Variants in IDE observed in about 807,000 individuals in gnomAD.
IDE encodes insulin degrading enzyme, also known as insulin-degrading enzyme.
IDE carries 58 observed loss-of-function variants against 133.2 expected under a neutral mutation model. The ratio of observed to expected loss-of-function variants is 0.44; its 90% CI spans 0.35 to 0.54. The LOEUF (loss-of-function observed/expected upper bound fraction) is 0.54. Among genes scored for constraint, IDE ranks in the 20% least tolerant of loss-of-function variants. The pLI, the probability that IDE is intolerant of heterozygous loss-of-function variation, is 0.00. For missense variants in IDE, 981 were observed against 1,234.0 expected, an observed-to-expected ratio of 0.79 and a Z score of 3.07; for synonymous variants, 396 against 421.3, an observed-to-expected ratio of 0.94 and a Z score of 0.73.
At chr10:92,527,261 C>T (rs528777541) in intron 4 of IDE, among the ~76,000 whole-genome samples, 4 of 152,086 alleles carry the variant, frequency 2.6e-5, no homozygotes, top group South Asian at 4.1e-4. Flanking sequence ...ATCAAGTTTC[C>T]ATATGTTTGT....
intron 1 of IDE, among the ~76,000 whole-genome samples, chr10:92,558,458 A>C (rs1428936068): frequency 1.3e-5 from 2 of 152,222 alleles, no homozygotes; most frequent in Non-Finnish European, 1.5e-5. Flanking sequence ...TAAAAAGACA[A>C]ATTAGACTTC....
At chr10:92,518,195 G>C (rs997856489) in intron 4 of IDE, among the ~76,000 whole-genome samples, 6 of 152,130 alleles carry the variant, frequency 3.9e-5, no homozygotes, top group Non-Finnish European at 7.3e-5. Context: ...TCTAGAGGGA[G>C]TTTTGCTTAA....
chr10:92,550,191 C>T (rs758824981), intron 1 of IDE, among the ~76,000 whole-genome samples: 5 of 151,612 alleles, frequency 3.3e-5, no homozygotes, highest in African/African-American at 1.2e-4. Flanking sequence ...AATAAACTGA[C>T]CTATATTAAA....
At chr10:92,472,952 T>C (rs1846046895) in intron 17 of IDE, among the ~76,000 whole-genome samples, 2 of 148,492 alleles carry the variant, frequency 1.3e-5, no homozygotes, top group Admixed American at 1.4e-4. Flanking sequence ...TTTTTTTTTT[T>C]TTTTTTTTAG....
At chr10:92,468,639 A>G (rs1041493622) in intron 19 of IDE, among the ~76,000 whole-genome samples, 4 of 152,170 alleles carry the variant, frequency 2.6e-5, no homozygotes, top group African/African-American at 9.7e-5. Context: ...TCATTCAAGT[A>G]CCCGTCAATT....
intron 4 of IDE, among the ~76,000 whole-genome samples, chr10:92,527,384 T>C (rs1191180526): frequency 1.3e-5 from 2 of 152,182 alleles, no homozygotes; most frequent in African/African-American, 2.4e-5. Flanking sequence ...CTGGTAGAAG[T>C]AGCTTTCCTT....
chr10:92,525,004 T>C (rs1191119904), intron 4 of IDE, among the ~76,000 whole-genome samples: 1 of 151,838 alleles, frequency 6.6e-6, no homozygotes, highest in African/African-American at 2.4e-5. Context: ...CTCATGCCTG[T>C]AATCCCAGCA....
intron 1 of IDE, among the ~76,000 whole-genome samples, chr10:92,549,530 T>C (rs1842685319): frequency 6.6e-6 from 1 of 151,838 alleles, no homozygotes; most frequent in Non-Finnish European, 1.5e-5. Flanking sequence ...AAACTGATAA[T>C]GAAAGAGAAA....
chr10:92,504,772 T>TA, intron 11 of IDE, 22 bp downstream of exon 11: 1 of 1,261,880 alleles, frequency 7.9e-7, no homozygotes, highest in Non-Finnish European at 1.2e-6. Context: ...TGTATAATAG[T>TA]AAAATCTGTA....
chr10:92,567,719 A>G (rs1843620618), intron 1 of IDE, among the ~76,000 whole-genome samples: 1 of 152,148 alleles, frequency 6.6e-6, no homozygotes, highest in Non-Finnish European at 1.5e-5. Flanking sequence ...TATGCCTGTA[A>G]TCACAGCACT....
intron 1 of IDE, among the ~76,000 whole-genome samples, chr10:92,553,667 G>T (rs577455534): frequency 1.3e-5 from 2 of 151,958 alleles, no homozygotes; most frequent in Non-Finnish European, 2.9e-5. Flanking sequence ...AACTGATACC[G>T]CAAAAATTCA....
At chr10:92,461,705 C>A (rs1184611584) in intron 21 of IDE, among the ~76,000 whole-genome samples, 1 of 151,560 alleles carries the variant, frequency 6.6e-6, no homozygotes, top group Non-Finnish European at 1.5e-5. Context: ...TGCTCTCTCA[C>A]CCAGGCTGTT....
rs1348515810 is a variant in IDE, at chr10:92,474,886, T to C, written c.2071A>G (p.Thr691Ala). ...TCATCTTTAGTCCAGGCCACTTCAG[T>C]CATCAGCAAGCGGAGGTAGTACATG... ...HAMYYLRLLM[T>A]EVAWTKDELK... The change falls in exon 17 of 25, where the codon ACT becomes GCT. Residue 691 changes from threonine (T) to alanine (A), a missense_variant. This residue lies in a region of IDE where 660 missense variants were observed against 894.7 expected (regional missense o/e 0.74). Coordinates refer to ENST00000265986, the MANE Select transcript of IDE (RefSeq NM_004969.4). 1.2e-6 allele frequency: 2 copies of C among 1,613,852 alleles called. No individual in the cohort carries two copies. The highest frequency in any genetic ancestry group is 2.2e-5 in the East Asian group (1 of 44,862).
chr10:92,560,989 A>G (rs1371273299), intron 1 of IDE, among the ~76,000 whole-genome samples: 1 of 152,054 alleles, frequency 6.6e-6, no homozygotes, highest in African/African-American at 2.4e-5. Context: ...GTGGTGGCTC[A>G]CACCTGTAAT....
chr10:92,453,188 T>G lies in IDE; in HGVS notation c.*1256A>C, dbSNP rs1403696532. On this transcript the variant is annotated 3_prime_UTR_variant, in exon 25 of 25. Coordinates refer to ENST00000265986, the MANE Select transcript of IDE (RefSeq NM_004969.4). ...ACTAGTGCTTGTATATGGAAATATA[T>G]TCACAATTTCTCTTGAAGCAAGTTT... is the stretch of plus-strand genomic sequence containing the variant. 6.6e-6 allele frequency: 1 copy of G among 152,224 alleles called. No homozygotes were observed. The highest frequency in any genetic ancestry group is 2.4e-5 in the African/African-American group (1 of 41,448). 9.4% of individuals were successfully genotyped at this position (152,224 alleles called of 1,614,324 possible).
intron 11 of IDE, among the ~76,000 whole-genome samples, chr10:92,504,176 A>G (rs1848174677): frequency 2.0e-5 from 3 of 152,206 alleles, no homozygotes; most frequent in Admixed American, 2.0e-4. Context: ...AAAACATGTC[A>G]TTCAATTATA....
chr10:92,468,851 T>C (rs1845821416), intron 19 of IDE, 28 bp downstream of exon 19: 1 of 1,194,414 alleles, frequency 8.4e-7, no homozygotes, highest in East Asian at 2.3e-5. Flanking sequence ...AAATAGTCCA[T>C]TCCCAAAGTT....
At chr10:92,485,125 CTTTTTTTT>C (rs34615998) in intron 13 of IDE, among the ~76,000 whole-genome samples, 2 of 100,838 alleles carry the variant, frequency 2.0e-5, no homozygotes, top group Non-Finnish European at 3.8e-5. Flanking sequence ...TTCTTTCTTT[CTTTTTTTT>C]TTTTTTTTTT....
At chr10:92,536,040 A>AG (rs1002821823) in intron 2 of IDE, among the ~76,000 whole-genome samples, 9 of 144,932 alleles carry the variant, frequency 6.2e-5, no homozygotes, top group South Asian at 2.2e-4. Flanking sequence ...TGTCTCAGAG[A>AG]AAAAAAAAAA....
Sources: allele counts gnomAD v4.1 joint callset (sites outside exome capture counted in the v4.1 genomes callset), GRCh38; gene constraint gnomAD v4.1.1; regional missense constraint gnomAD v4.1.1; transcripts MANE v1.5; gene names NCBI Gene and HGNC (gene_info 2026-07-23, HGNC 2026-07-21).